The following VCF1 variants were observed in gnomAD, a reference collection of about 807,000 sequenced individuals.
The protein encoded by VCF1 is VCP nuclear cofactor family member 1, also known as protein VCF1.
the VCF1 span, chr17:73,208,595 C>G: frequency 9.7e-7 from 1 of 1,029,836 alleles, no homozygotes; most frequent in Non-Finnish European, 1.5e-6. Context: ...TTGGGGGTTA[C>G]TTTAAGCATC....
chr17:73,230,943 T>C, the VCF1 span, among the ~76,000 whole-genome samples: 1 of 152,180 alleles, frequency 6.6e-6, no homozygotes, highest in Non-Finnish European at 1.5e-5. Context: ...CCCAAGAGAA[T>C]ATCGTAAGTA....
At chr17:73,229,071 C>CA in the VCF1 span, among the ~76,000 whole-genome samples, 1 of 151,886 alleles carries the variant, frequency 6.6e-6, no homozygotes, top group African/African-American at 2.4e-5. Flanking sequence ...ACTGTAAGAA[C>CA]AAAAAAAGAT....
chr17:73,210,217 G>A, the VCF1 span, among the ~76,000 whole-genome samples: 1 of 152,212 alleles, frequency 6.6e-6, no homozygotes, highest in Non-Finnish European at 1.5e-5. Context: ...CTGGGTATAA[G>A]CGAAGATAAA....
the VCF1 span, among the ~76,000 whole-genome samples, chr17:73,229,909 G>A: frequency 1.4e-4 from 19 of 140,104 alleles, no homozygotes; most frequent in Middle Eastern, 4.1e-3. Context: ...ATGGAAACTA[G>A]TGGTTTTCAA....
chr17:73,212,736 A>G, the VCF1 span: 10 of 1,585,240 alleles, frequency 6.3e-6, no homozygotes, highest in Non-Finnish European at 8.6e-6. Flanking sequence ...CATTACAGGT[A>G]CTGTCTGAAA....
At chr17:73,223,525 T>G in the VCF1 span, among the ~76,000 whole-genome samples, 1 of 152,212 alleles carries the variant, frequency 6.6e-6, no homozygotes, top group South Asian at 2.1e-4. Context: ...CACAATTTAA[T>G]GGTTTAACAT....
the VCF1 span, among the ~76,000 whole-genome samples, chr17:73,217,507 G>A: frequency 2.7e-5 from 4 of 150,462 alleles, no homozygotes; most frequent in African/African-American, 1.0e-4. Flanking sequence ...AAAATTAGCT[G>A]GGCGTGGTGG....
At chr17:73,212,712 T>C in the VCF1 span, 4 of 1,593,898 alleles carry the variant, frequency 2.5e-6, no homozygotes, top group Non-Finnish European at 3.4e-6. Context: ...TAGTCTGTTT[T>C]CTTTACTGTT....
the VCF1 span, among the ~76,000 whole-genome samples, chr17:73,214,138 TTGAGCAGACCAA>T: frequency 6.6e-6 from 1 of 152,180 alleles, no homozygotes; most frequent in Admixed American, 6.5e-5. Context: ...TTAACTTGCA[TTGAGCAGACCAA>T]TGATAGTGTT....
the VCF1 span, among the ~76,000 whole-genome samples, chr17:73,223,277 A>G: frequency 6.6e-6 from 1 of 152,180 alleles, no homozygotes; most frequent in African/African-American, 2.4e-5. Flanking sequence ...AGATTGCGCC[A>G]TTGCACTCCA....
the VCF1 span, among the ~76,000 whole-genome samples, chr17:73,221,900 G>A: frequency 6.6e-6 from 1 of 152,062 alleles, no homozygotes; most frequent in East Asian, 1.9e-4. Context: ...TGGGCGTGGT[G>A]GCGGTCCCCT....
the VCF1 span, chr17:73,207,636 G>A: frequency 1.7e-6 from 2 of 1,194,780 alleles, no homozygotes; most frequent in South Asian, 1.3e-5. Flanking sequence ...AGTTGGGTGG[G>A]AAGTAACAGA....
At chr17:73,219,357 G>C in the VCF1 span, among the ~76,000 whole-genome samples, 2 of 151,910 alleles carry the variant, frequency 1.3e-5, no homozygotes, top group Non-Finnish European at 2.9e-5. Context: ...GATCTTTTAA[G>C]AAATTAATCT....
chr17:73,213,061 T>C, the VCF1 span, among the ~76,000 whole-genome samples: 2 of 151,924 alleles, frequency 1.3e-5, no homozygotes, highest in Non-Finnish European at 2.9e-5. Flanking sequence ...CTGGCCAACA[T>C]GGTGAAACCC....
At chr17:73,207,552 A>G in the VCF1 span, 1 of 641,880 alleles carries the variant, frequency 1.6e-6, no homozygotes. Context: ...TTAACTGCCA[A>G]CCCGGCACTA....
the VCF1 span, among the ~76,000 whole-genome samples, chr17:73,215,920 A>AC: frequency 2.0e-5 from 3 of 152,032 alleles, no homozygotes; most frequent in African/African-American, 7.3e-5. Flanking sequence ...GCAGGGTATG[A>AC]CCAATGGGAA....
chr17:73,231,789 G>A, the VCF1 span, among the ~76,000 whole-genome samples: 1 of 151,898 alleles, frequency 6.6e-6, no homozygotes, highest in African/African-American at 2.4e-5. Context: ...AAAGCTTTAG[G>A]GCCACCGTCT....
the VCF1 span, among the ~76,000 whole-genome samples, chr17:73,219,076 A>G: frequency 6.6e-6 from 1 of 151,520 alleles, no homozygotes; most frequent in South Asian, 2.1e-4. Context: ...CTGTAATCCC[A>G]GCTACTCGGA....
the VCF1 span, among the ~76,000 whole-genome samples, chr17:73,227,428 C>T: frequency 6.6e-5 from 10 of 152,224 alleles, no homozygotes; most frequent in African/African-American, 2.4e-4. Flanking sequence ...TACAGCATCA[C>T]TGGACACTAA....
Sources: allele counts gnomAD v4.1 joint callset (sites outside exome capture counted in the v4.1 genomes callset), GRCh38; gene constraint gnomAD v4.1.1; transcripts MANE v1.5; gene names NCBI Gene and HGNC (gene_info 2026-07-23, HGNC 2026-07-21).